RAB1A: variants seen among roughly 807,000 people sequenced by gnomAD.
The protein encoded by RAB1A is RAB1A, member RAS oncogene family.
RAB1A carries 2 observed loss-of-function variants against 26.0 expected under a neutral mutation model. The observed-to-expected ratio is 0.08, with a 90% CI of 0.03 to 0.24. The LOEUF is 0.24. Among genes scored for constraint, RAB1A ranks in the 10% least tolerant of loss-of-function variants. The pLI is 1.00. For synonymous variants in RAB1A, 84 were observed against 84.9 expected (o/e 0.99, Z 0.06); for missense variants, 100 against 247.0 (o/e 0.40, Z 3.99).
intron 3 of RAB1A, among the ~76,000 whole-genome samples, chr2:65,092,830 A>C (rs1226053631): frequency 6.6e-6 from 1 of 152,120 alleles, no homozygotes; most frequent in Non-Finnish European, 1.5e-5. Context: ...AAGTGATTGG[A>C]TTATGGAGAA....
chr2:65,088,394 T>G lies in RAB1A; in HGVS notation c.*99A>C. The G allele has an allele frequency of 1.0e-6, 1 of 961,802 alleles. No individual in the cohort carries two copies. 59.6% of individuals were successfully genotyped at this position (961,802 alleles called of 1,614,324 possible). ...CTTTGTGGAGACGGTAAGAATCTGT[T>G]GTAGTGCAGCTACATACAGTACAAT... is the stretch of plus-strand genomic sequence containing the variant. On this transcript the variant is annotated 3_prime_UTR_variant, in exon 6 of 6. Coordinates refer to ENST00000409784, the MANE Select transcript of RAB1A (RefSeq NM_004161.5).
At chr2:65,107,356 T>A (rs1171924074) in intron 1 of RAB1A, among the ~76,000 whole-genome samples, 1 of 152,102 alleles carries the variant, frequency 6.6e-6, no homozygotes, top group Non-Finnish European at 1.5e-5. Flanking sequence ...TGAGCCACCG[T>A]GCCTGGCCCC....
intron 1 of RAB1A, among the ~76,000 whole-genome samples, chr2:65,113,879 G>A (rs961463667): frequency 1.4e-4 from 21 of 152,108 alleles, no homozygotes; most frequent in East Asian, 9.6e-4. Flanking sequence ...ATGGATTGAC[G>A]GTTTCTTCTT....
At chr2:65,092,822 G>C (rs978454489) in intron 3 of RAB1A, among the ~76,000 whole-genome samples, 1 of 152,204 alleles carries the variant, frequency 6.6e-6, no homozygotes, top group African/African-American at 2.4e-5. Flanking sequence ...ACTGAGGGAA[G>C]TGATTGGATT....
Position 65,087,171 on chromosome 2 carries a change from G to A in RAB1A, c.*1322C>T, listed in dbSNP as rs1256156447. 3 of 152,380 alleles carry A rather than the reference G, an allele frequency of 2.0e-5. No individual in the cohort carries two copies. Among genetic ancestry groups the A allele is most frequent in the Non-Finnish European group, 4.4e-5 (3 of 68,048 alleles). 9.4% of individuals were successfully genotyped at this position (152,380 alleles called of 1,614,324 possible). A position where few individuals can be genotyped will look rare whatever the true frequency, so the allele number is the denominator to read the frequency against. ...ACCTCAGTCACCTTAAAATGCCAGTGTGGGCAGAAGATTTTTTATTCCTCA... is the reference window on the plus strand; with the variant it reads ...ACCTCAGTCACCTTAAAATGCCAGTATGGGCAGAAGATTTTTTATTCCTCA... On this transcript the variant is annotated 3_prime_UTR_variant, in exon 6 of 6. Transcript: ENST00000409784.
At chr2:65,128,484 T>C (rs1252033281) in intron 1 of RAB1A, among the ~76,000 whole-genome samples, 1 of 152,148 alleles carries the variant, frequency 6.6e-6, no homozygotes, top group East Asian at 1.9e-4. Flanking sequence ...TTTTAAACTG[T>C]CAACACAGCA....
chr2:65,122,214 C>T (rs2103881202), intron 1 of RAB1A, among the ~76,000 whole-genome samples: 1 of 145,312 alleles, frequency 6.9e-6, no homozygotes, highest in East Asian at 2.1e-4. Context: ...TAAAATACCT[C>T]ATGCACTGGC....
In RAB1A at chr2:65,088,453, T is replaced by C. The variant is rs566920211; in HGVS notation, c.*40A>G. On this transcript the variant is annotated 3_prime_UTR_variant, in exon 6 of 6. Transcript: ENST00000409784. ...TTTTGTTTTTTCACTTGGGTTCAGA[T>C]TGCAAATTCATTGCTGTGAGAAAAG... 8.4e-6 allele frequency: 13 copies of C among 1,542,232 alleles called. No individual in the cohort carries two copies. The highest frequency in any genetic ancestry group is 2.0e-5 in the Admixed American group (1 of 49,352).
Position 65,129,939 on chromosome 2 carries a change from CACCGCCGCCCTTGCTGCCGCA to C in RAB1A, c.-45_-25del. The C allele has an allele frequency of 6.3e-7, 1 of 1,581,878 alleles. No homozygotes were observed. Among genetic ancestry groups the C allele is most frequent in the Non-Finnish European group, 8.6e-7 (1 of 1,165,672 alleles). On this transcript the variant is annotated 5_prime_UTR_variant, in exon 1 of 6. Transcript: ENST00000409784. The stretch of plus-strand genomic sequence containing the variant: ...ATGTCACTGCAGCTGCCGCCGCCGC[CACCGCCGCCCTTGCTGCCGCA>C]GCCGCCGCCCTGACTCTCCGCGCCA...
intron 2 of RAB1A, among the ~76,000 whole-genome samples, chr2:65,098,920 C>T (rs1669355013): frequency 6.9e-6 from 1 of 144,786 alleles, no homozygotes; most frequent in South Asian, 2.2e-4. Flanking sequence ...ACTGCAACCT[C>T]TGTCTCCCGG....
intron 1 of RAB1A, among the ~76,000 whole-genome samples, chr2:65,119,456 G>A (rs1425784604): frequency 3.3e-5 from 5 of 150,284 alleles, no homozygotes; most frequent in Admixed American, 2.0e-4. Flanking sequence ...GCAATGACCC[G>A]AAATCGAGCC....
intron 4 of RAB1A, among the ~76,000 whole-genome samples, 181 bp downstream of exon 4, chr2:65,090,797 CTTTTA>C (rs1273930973): frequency 2.6e-5 from 4 of 152,296 alleles, no homozygotes; most frequent in Middle Eastern, 6.8e-3. Context: ...AATTACTAAT[CTTTTA>C]TTTATTACAG....
At chr2:65,101,560 G>A (rs10195328) in intron 2 of RAB1A, among the ~76,000 whole-genome samples, 124,588 of 152,034 alleles carry the variant, frequency 0.82, 51,138 homozygotes, top group African/African-American at 0.83. Context: ...AGGCACAAAC[G>A]CCTGAGGCTA....
In RAB1A at chr2:65,097,985, T is replaced by C. The variant is rs749417184; in HGVS notation, c.178A>G (p.Ile60Val). 12 of 1,559,538 alleles carry C rather than the reference T, an allele frequency of 7.7e-6. No homozygotes were observed. Among genetic ancestry groups the C allele is most frequent in the Non-Finnish European group, 1.0e-5 (12 of 1,148,520 alleles). The change falls in exon 3 of 6, where the codon ATC (isoleucine) becomes GTC (valine). Residue 60 changes from isoleucine (I) to valine (V), a missense_variant. Transcript: ENST00000409784. ...AAGTCACTTACTATTTGAAGCTTGA[T>C]TGTTTTCCCGTCTAACTCTATAGTT... Reference protein sequence around the residue: ...IRTIELDGKTIKLQIWDTAGQ... With the variant: ...IRTIELDGKTVKLQIWDTAGQ...
At chr2:65,093,929 A>C (rs1281804665) in intron 3 of RAB1A, among the ~76,000 whole-genome samples, 1 of 150,250 alleles carries the variant, frequency 6.7e-6, no homozygotes, top group Non-Finnish European at 1.5e-5. Context: ...GCCTGTGTTT[A>C]GATTTTTAAA....
intron 2 of RAB1A, among the ~76,000 whole-genome samples, chr2:65,099,389 G>A (rs1302545487): frequency 2.6e-5 from 4 of 152,212 alleles, no homozygotes; most frequent in East Asian, 1.9e-4. Flanking sequence ...AATATTTCTC[G>A]TGAAAAGATA....
intron 1 of RAB1A, among the ~76,000 whole-genome samples, chr2:65,122,668 T>C (rs1458224981): frequency 6.6e-6 from 1 of 152,048 alleles, no homozygotes; most frequent in African/African-American, 2.4e-5. Flanking sequence ...GGAAAGTATA[T>C]AGCTTGCCAC....
intron 1 of RAB1A, among the ~76,000 whole-genome samples, chr2:65,105,155 T>C (rs1047468752): frequency 1.3e-5 from 2 of 152,172 alleles, no homozygotes; most frequent in Non-Finnish European, 2.9e-5. Flanking sequence ...AGTATTAGAA[T>C]ACAGAAAGGT....
chr2:65,103,529 C>T (rs1023892465), intron 2 of RAB1A, among the ~76,000 whole-genome samples: 1 of 152,122 alleles, frequency 6.6e-6, no homozygotes, highest in African/African-American at 2.4e-5. Flanking sequence ...TTGATGTGTA[C>T]CAAGCCAGCA....
Sources: allele counts gnomAD v4.1 joint callset (sites outside exome capture counted in the v4.1 genomes callset), GRCh38; gene constraint gnomAD v4.1.1; transcripts MANE v1.5; gene names NCBI Gene and HGNC (gene_info 2026-07-23, HGNC 2026-07-21).